Variants in DLG1 observed in about 807,000 individuals in gnomAD.
DLG1 encodes disks large homolog 1.
In DLG1, 42 loss-of-function variants were observed where a neutral mutation model predicts 123.4. That is an observed-to-expected ratio of 0.34 (90% CI 0.27 to 0.44). The LOEUF is 0.44. Ranked by LOEUF, DLG1 falls within the 20% of genes least tolerant of loss-of-function variation. The probability of loss-of-function intolerance (pLI) is 1.00; values close to 1 mark genes in which losing one functional copy is unlikely to be tolerated. For synonymous variants in DLG1, 317 were observed against 356.2 expected (o/e 0.89, Z 1.24); for missense variants, 942 against 1,082.6 (o/e 0.87, Z 1.82).
chr3:197,245,190 T>A (rs1170019450), intron 4 of DLG1, among the ~76,000 whole-genome samples: 1 of 152,192 alleles, frequency 6.6e-6, no homozygotes, highest in Admixed American at 6.5e-5. Flanking sequence ...ATTTCTAATA[T>A]CTGGGCTAGC....
At chr3:197,084,766 T>TTATATATATA (rs1417158106) in intron 16 of DLG1, among the ~76,000 whole-genome samples, 2 of 151,596 alleles carry the variant, frequency 1.3e-5, no homozygotes, top group African/African-American at 4.8e-5. Flanking sequence ...TGTGTATATT[T>TTATATATATA]TATATATATA....
chr3:197,059,932 G>A lies in DLG1; in HGVS notation c.2440C>T (p.Pro814Ser), dbSNP rs746276285. ...TTGGGTTTAATAAAAATGGAGATAGGGTAAAGCTGTGCAATCTGTAATCTC... is the reference window on the plus strand; with the variant it reads ...TTGGGTTTAATAAAAATGGAGATAGAGTAAAGCTGTGCAATCTGTAATCTC... ...IKRLQIAQLY[P>S]ISIFIKPKSM... Residue 814 changes from proline to serine, a missense_variant, in exon 23 of 25, where the codon CCT becomes TCT. Transcript: ENST00000667157. 1 of 1,613,526 alleles carries A rather than the reference G, an allele frequency of 6.2e-7. No individual in the cohort carries two copies. Among genetic ancestry groups the A allele is most frequent in the Admixed American group, 1.7e-5 (1 of 59,976 alleles).
chr3:197,256,450 G>A lies in DLG1; in HGVS notation c.318+26229C>T, dbSNP rs79074301. The stretch of plus-strand genomic sequence containing the variant: ...ACTTCACACACAGTAGGCACTCAGC[G>A]AAGCTAAAAGGAATCTTTAAAACCG... On this transcript the variant is annotated intron_variant, in intron 4 of 24. Coordinates refer to ENST00000667157, the MANE Select transcript of DLG1 (RefSeq NM_001366207.1). 1.7e-3 allele frequency among the ~76,000 whole-genome samples: 258 copies of A among 152,320 alleles called. 4 individuals carry two copies. The highest frequency in any genetic ancestry group is 0.015 in the East Asian group (78 of 5,182).
At chr3:197,179,020 G>A (rs1039869304) in intron 5 of DLG1, among the ~76,000 whole-genome samples, 1 of 152,154 alleles carries the variant, frequency 6.6e-6, no homozygotes, top group Non-Finnish European at 1.5e-5. Flanking sequence ...TAGTACAGAA[G>A]TGAATATGGG....
chr3:197,173,684 G>A (rs1805478187), intron 5 of DLG1, among the ~76,000 whole-genome samples: 1 of 152,038 alleles, frequency 6.6e-6, no homozygotes, highest in Admixed American at 6.5e-5. Context: ...AACATTTTTG[G>A]AAATGACAAA....
At chr3:197,049,712 C>T (rs1454531645) in intron 24 of DLG1, among the ~76,000 whole-genome samples, 1 of 152,156 alleles carries the variant, frequency 6.6e-6, no homozygotes, top group African/African-American at 2.4e-5. Context: ...TGCCATTGCA[C>T]TCCAGCCTGG....
chr3:197,086,794 T>C (rs1754645530), intron 15 of DLG1, among the ~76,000 whole-genome samples: 1 of 152,078 alleles, frequency 6.6e-6, no homozygotes, highest in African/African-American at 2.4e-5. Context: ...ATAAGCATAA[T>C]ATAAAATAGA....
Position 197,240,330 on chromosome 3 carries a change from G to C in DLG1, c.318+42349C>G, listed in dbSNP as rs993732043. 1.3e-5 allele frequency among the ~76,000 whole-genome samples: 2 copies of C among 152,114 alleles called. 1 individual carries two copies. Among genetic ancestry groups the C allele is most frequent in the Non-Finnish European group, 2.9e-5 (2 of 68,016 alleles). Reference sequence around the variant, plus strand: ...CCTCATTCGGGAAGAACAGTGCTCTGGTTCTTTACTAGAACCTAGGTGAAC... The same window carrying C: ...CCTCATTCGGGAAGAACAGTGCTCTCGTTCTTTACTAGAACCTAGGTGAAC... On this transcript the variant is annotated intron_variant, in intron 4 of 24. Coordinates refer to ENST00000667157, the MANE Select transcript of DLG1 (RefSeq NM_001366207.1).
At chr3:197,278,828 G>A (rs1440661638) in intron 4 of DLG1, among the ~76,000 whole-genome samples, 4 of 151,758 alleles carry the variant, frequency 2.6e-5, no homozygotes, top group Non-Finnish European at 4.4e-5. Flanking sequence ...TGAAAATTGA[G>A]CAATCTTAAC....
chr3:197,257,841 G>T (rs1757530740), intron 4 of DLG1, among the ~76,000 whole-genome samples: 1 of 152,120 alleles, frequency 6.6e-6, no homozygotes, highest in South Asian at 2.1e-4. Flanking sequence ...GGCCTTTTAT[G>T]CTCTGAGTTA....
In DLG1 at chr3:197,061,638, T is replaced by C. The variant is rs148979826; in HGVS notation, c.2374-1640A>G. On this transcript the variant is annotated intron_variant, in intron 22 of 24. Transcript: ENST00000667157. ...TGAAGAGTATAAAATATTTATATCA[T>C]AGAATATGCCTCATTCTATGGGTTT... Among the ~76,000 whole-genome samples the C allele has an allele frequency of 2.2e-4, 34 of 152,326 alleles. No individual in the cohort carries two copies. In the East Asian group the frequency reaches 6.0e-3, roughly 27 times the overall value.
chr3:197,079,279 A>G (rs912413735), intron 17 of DLG1, among the ~76,000 whole-genome samples: 5 of 152,348 alleles, frequency 3.3e-5, no homozygotes, highest in Admixed American at 3.3e-4. Flanking sequence ...ATGTATTTCA[A>G]AATAGCCAAA....
At chr3:197,208,500 T>A (rs1427749135) in intron 4 of DLG1, among the ~76,000 whole-genome samples, 1 of 146,862 alleles carries the variant, frequency 6.8e-6, no homozygotes, top group African/African-American at 2.4e-5. Flanking sequence ...ATTAAAAACA[T>A]CCATCACTAT....
intron 4 of DLG1, among the ~76,000 whole-genome samples, chr3:197,234,928 G>C (rs1745166287): frequency 6.6e-6 from 1 of 152,104 alleles, no homozygotes; most frequent in South Asian, 2.1e-4. Flanking sequence ...AGAGTAACCA[G>C]CTTAAATCTA....
chr3:197,189,005 T>A (rs1379043078), intron 5 of DLG1, among the ~76,000 whole-genome samples: 1 of 152,160 alleles, frequency 6.6e-6, no homozygotes, highest in East Asian at 1.9e-4. Context: ...AACCTAGGAA[T>A]GAAAGAGGGG....
At chr3:197,274,628 A>G (rs1301803744) in intron 4 of DLG1, among the ~76,000 whole-genome samples, 2 of 152,234 alleles carry the variant, frequency 1.3e-5, no homozygotes, top group Admixed American at 6.5e-5. Flanking sequence ...GGTAAATGAG[A>G]TAACATCGAG....
At chr3:197,252,919 T>A (rs1457851533) in intron 4 of DLG1, among the ~76,000 whole-genome samples, 2 of 152,142 alleles carry the variant, frequency 1.3e-5, no homozygotes, top group Non-Finnish European at 2.9e-5. Context: ...ATAAATTGTA[T>A]GTTATGTATA....
At chr3:197,165,550 G>A (rs147556253) in intron 5 of DLG1, among the ~76,000 whole-genome samples, 17 of 152,198 alleles carry the variant, frequency 1.1e-4, no homozygotes, top group African/African-American at 3.9e-4. Flanking sequence ...AGTATACTAC[G>A]AATAAAGCCT....
At chr3:197,168,725 T>G (rs187780593) in intron 5 of DLG1, among the ~76,000 whole-genome samples, 6 of 152,206 alleles carry the variant, frequency 3.9e-5, no homozygotes, top group Non-Finnish European at 7.3e-5. Context: ...TTGCTCCATT[T>G]GTATCACTCA....
Sources: allele counts gnomAD v4.1 joint callset (sites outside exome capture counted in the v4.1 genomes callset), GRCh38; gene constraint gnomAD v4.1.1; transcripts MANE v1.5; gene names NCBI Gene and HGNC (gene_info 2026-07-23, HGNC 2026-07-21).